RAD17: variants seen among roughly 807,000 people sequenced by gnomAD.
RAD17 encodes the protein RAD17 checkpoint clamp loader component, also known as cell cycle checkpoint protein RAD17.
RAD17 carries 31 observed loss-of-function variants against 81.5 expected under a neutral mutation model. The observed-to-expected ratio is 0.38, with a 90% confidence interval of 0.29 to 0.51. RAD17 has a LOEUF of 0.51. Among genes scored for constraint, RAD17 ranks in the 20% least tolerant of loss-of-function variants. RAD17 has a pLI of 0.88. For synonymous variants in RAD17, 261 were observed against 266.2 expected (o/e 0.98, Z 0.19); for missense variants, 681 against 781.2 (o/e 0.87, Z 1.53).
intron 6 of RAD17, among the ~76,000 whole-genome samples, chr5:69,380,700 T>C (rs978842957): frequency 2.6e-5 from 4 of 151,988 alleles, no homozygotes; most frequent in Admixed American, 6.6e-5. Context: ...TATGAGGGAA[T>C]GTTACTGGGA....
chr5:69,390,580 G>A (rs1327818859), intron 12 of RAD17, among the ~76,000 whole-genome samples: 1 of 152,122 alleles, frequency 6.6e-6, no homozygotes, highest in Non-Finnish European at 1.5e-5. Flanking sequence ...GCAGAACCAG[G>A]CTGCCTGGAT....
At chr5:69,402,949 T>C (rs1765367131) in intron 17 of RAD17, among the ~76,000 whole-genome samples, 1 of 152,160 alleles carries the variant, frequency 6.6e-6, no homozygotes, top group Admixed American at 6.5e-5. Context: ...CTTAATACCG[T>C]TTATTTTATA....
At chr5:69,377,779 CTG>C (rs1413713939) in intron 6 of RAD17, among the ~76,000 whole-genome samples, 2 of 148,962 alleles carry the variant, frequency 1.3e-5, no homozygotes, top group African/African-American at 5.0e-5. Context: ...ATCATATACT[CTG>C]TTTATTTGTT....
At chr5:69,369,494 C>A (rs750739293), upstream of RAD17, 1 of 1,611,580 alleles carries the variant, frequency 6.2e-7, no homozygotes, top group Non-Finnish European at 8.5e-7. Flanking sequence ...GCAACATGGT[C>A]CCCGCCGCGA....
intron 17 of RAD17, among the ~76,000 whole-genome samples, chr5:69,401,267 G>A (rs1324370060): frequency 2.6e-5 from 4 of 152,212 alleles, no homozygotes; most frequent in Non-Finnish European, 5.9e-5. Flanking sequence ...ACCACAGGTT[G>A]CTTTGACAGA....
upstream of RAD17, chr5:69,369,355 G>A: frequency 8.0e-7 from 1 of 1,243,634 alleles, no homozygotes; most frequent in Admixed American, 3.1e-5. Flanking sequence ...GCCCTCGGCC[G>A]GCCTCTGAAG....
intron 17 of RAD17, among the ~76,000 whole-genome samples, chr5:69,405,946 G>C (rs370465612): frequency 2.0e-5 from 3 of 152,084 alleles, no homozygotes; most frequent in East Asian, 3.9e-4. Flanking sequence ...GGAGTCTGAG[G>C]CAGGAGAATT....
chr5:69,393,568 C>CT, intron 15 of RAD17, 68 bp downstream of exon 15: 1 of 1,407,844 alleles, frequency 7.1e-7, no homozygotes, highest in Non-Finnish European at 9.7e-7. Context: ...AGAAAGTTTA[C>CT]TTTTATCCCT....
At position 69,392,582 on chromosome 5, in the gene RAD17, G is replaced by T. The variant is rs546472672; in HGVS notation, c.1189+569G>T. Among the ~76,000 whole-genome samples, 14 of 152,286 alleles carry T rather than the reference G, an allele frequency of 9.2e-5. No individual in the cohort carries two copies. In the East Asian group the frequency reaches 2.7e-3, roughly 29 times the overall value. ...TTCAGTCTGATGACCCTAAAGGAAA[G>T]AAATTAGGATTTCTAAATGGAAACC... is the stretch of plus-strand genomic sequence containing the variant. On this transcript the variant is annotated intron_variant, in intron 13 of 18. Coordinates refer to ENST00000354868, the MANE Select transcript of RAD17 (RefSeq NM_133338.3).
intron 16 of RAD17, among the ~76,000 whole-genome samples, chr5:69,397,053 CG>C (rs1764937673): frequency 6.6e-6 from 1 of 151,944 alleles, no homozygotes; most frequent in African/African-American, 2.4e-5. Context: ...AGGTTGGTCT[CG>C]ATCTTTGGAC....
intron 12 of RAD17, 99 bp from the exon 13 acceptor site, chr5:69,391,732 T>C: frequency 1.0e-6 from 1 of 976,158 alleles, no homozygotes; most frequent in Non-Finnish European, 1.4e-6. Flanking sequence ...GGAAAACAAA[T>C]TGTAATTAGA....
At chr5:69,393,782 G>A (rs947061562) in intron 15 of RAD17, among the ~76,000 whole-genome samples, 1 of 151,610 alleles carries the variant, frequency 6.6e-6, no homozygotes, top group African/African-American at 2.4e-5. Flanking sequence ...TGTTGCTCAG[G>A]CTGGTCTCAA....
intron 6 of RAD17, among the ~76,000 whole-genome samples, chr5:69,378,078 A>G (rs1362262241): frequency 6.6e-6 from 1 of 152,188 alleles, no homozygotes; most frequent in Non-Finnish European, 1.5e-5. Flanking sequence ...ATCAATAGGC[A>G]TGAGCCACAC....
chr5:69,392,740 C>T, intron 13 of RAD17: 1 of 431,246 alleles, frequency 2.3e-6, no homozygotes, highest in South Asian at 1.7e-5. Flanking sequence ...TCTTTTCCTC[C>T]CCAACATACG....
chr5:69,382,407 C>T (rs771000224), intron 7 of RAD17, among the ~76,000 whole-genome samples: 1 of 152,116 alleles, frequency 6.6e-6, no homozygotes, highest in Non-Finnish European at 1.5e-5. Flanking sequence ...GTGTTACCAT[C>T]GTGCTCCAGC....
chr5:69,396,622 ATTTTC>A (rs1452019023), intron 16 of RAD17, 76 bp downstream of exon 16: 36 of 1,341,054 alleles, frequency 2.7e-5, no homozygotes, highest in Non-Finnish European at 3.1e-5. Context: ...CAAAGCAGTT[ATTTTC>A]TTTAAAACAT....
intron 12 of RAD17, among the ~76,000 whole-genome samples, chr5:69,390,132 C>A (rs1365009795): frequency 1.3e-5 from 2 of 152,160 alleles, no homozygotes; most frequent in Non-Finnish European, 1.5e-5. Flanking sequence ...CATAGTCCTC[C>A]TTCAGAAGGC....
chr5:69,386,000 A>T, intron 8 of RAD17, 43 bp from the exon 9 acceptor site: 4 of 1,429,658 alleles, frequency 2.8e-6, no homozygotes, highest in Non-Finnish European at 3.7e-6. Flanking sequence ...TAAATTTGCA[A>T]TGGAATAAAA....
chr5:69,401,572 C>G (rs147388841), intron 17 of RAD17, among the ~76,000 whole-genome samples: 138 of 152,248 alleles, frequency 9.1e-4, no homozygotes, highest in Non-Finnish European at 1.5e-3. Flanking sequence ...TACATCTGCA[C>G]AAGTTTTGAA....
Sources: allele counts gnomAD v4.1 joint callset (sites outside exome capture counted in the v4.1 genomes callset), GRCh38; gene constraint gnomAD v4.1.1; transcripts MANE v1.5; gene names NCBI Gene and HGNC (gene_info 2026-07-23, HGNC 2026-07-21).